WFDC8: variants seen among roughly 807,000 people sequenced by gnomAD.
The protein encoded by WFDC8 is WAP four-disulfide core domain protein 8.
Under a neutral mutation model 27.0 loss-of-function variants are expected in WFDC8, and 24 were observed. That is an observed-to-expected ratio of 0.89 (90% CI 0.64 to 1.25). WFDC8 has a LOEUF of 1.25. Among genes scored for constraint, WFDC8 ranks in the 50% most tolerant of loss-of-function variants. WFDC8 has a pLI of 0.00. For synonymous variants in WFDC8, 106 were observed against 99.7 expected (o/e 1.06, Z -0.38); for missense variants, 287 against 295.9 (o/e 0.97, Z 0.22).
chr20:45,558,468 T>A (rs1980347218), intron 3 of WFDC8, among the ~76,000 whole-genome samples: 1 of 152,212 alleles, frequency 6.6e-6, no homozygotes, highest in South Asian at 2.1e-4. Context: ...CCGCACATAT[T>A]AGATAGATGC....
intron 3 of WFDC8, among the ~76,000 whole-genome samples, chr20:45,557,791 A>T (rs1170073266): frequency 6.6e-6 from 1 of 152,184 alleles, no homozygotes; most frequent in Non-Finnish European, 1.5e-5. Context: ...CAAAACCGCA[A>T]TTACTTTTGC....
intron 5 of WFDC8, 95 bp from the exon 6 acceptor site, chr20:45,552,260 T>C: frequency 6.8e-7 from 1 of 1,480,854 alleles, no homozygotes; most frequent in Non-Finnish European, 9.3e-7. Flanking sequence ...CAAGGTTTTA[T>C]TCTGATTAAG....
At chr20:45,557,429 C>T (rs998182901) in intron 3 of WFDC8, among the ~76,000 whole-genome samples, 1 of 151,870 alleles carries the variant, frequency 6.6e-6, no homozygotes, top group Non-Finnish European at 1.5e-5. Flanking sequence ...GCTTTATTTT[C>T]TTTTGTTTTT....
At chr20:45,552,981 A>G (rs1980095269) in intron 5 of WFDC8, among the ~76,000 whole-genome samples, 155 bp downstream of exon 5, 1 of 152,226 alleles carries the variant, frequency 6.6e-6, no homozygotes, top group Non-Finnish European at 1.5e-5. Flanking sequence ...CAAGAGGTCA[A>G]TATAACTTGT....
chr20:45,561,715 T>G (rs976071675), intron 2 of WFDC8, among the ~76,000 whole-genome samples: 14 of 150,354 alleles, frequency 9.3e-5, no homozygotes, highest in African/African-American at 3.4e-4. Flanking sequence ...TAGTGACTTA[T>G]TAATTAAAAA....
At chr20:45,573,229 C>T (rs1980930627) in intron 1 of WFDC8, among the ~76,000 whole-genome samples, 1 of 152,194 alleles carries the variant, frequency 6.6e-6, no homozygotes, top group Admixed American at 6.5e-5. Flanking sequence ...ATGTTTTCTT[C>T]TCAGAGTTTT....
chr20:45,569,690 TCA>T (rs1384167525), intron 1 of WFDC8, among the ~76,000 whole-genome samples: 1 of 152,210 alleles, frequency 6.6e-6, no homozygotes, highest in Non-Finnish European at 1.5e-5. Flanking sequence ...GGGTCCAGTT[TCA>T]GTCTTCTGCA....
rs1168090948 is a variant in WFDC8 at position 45,573,810 on chromosome 20, C to A, written c.26+5412G>T. ...CATTGTGTGTTCTTGGCACCTTTAT[C>A]AAAAATCAGTTAACCATAAATGTAT... On this transcript the variant is annotated intron_variant, in intron 1 of 5. Coordinates refer to ENST00000289953, the MANE Select transcript of WFDC8 (RefSeq NM_130896.3). Among the ~76,000 whole-genome samples the A allele has an allele frequency of 2.6e-5, 4 of 152,136 alleles. No homozygotes were observed. In the East Asian group the frequency reaches 7.7e-4, roughly 29 times the overall value.
intron 1 of WFDC8, among the ~76,000 whole-genome samples, chr20:45,572,544 ATGT>A (rs1320244600): frequency 6.6e-6 from 1 of 152,052 alleles, no homozygotes; most frequent in Non-Finnish European, 1.5e-5. Flanking sequence ...TTGATTAATG[ATGT>A]TGAGCATTTT....
chr20:45,570,677 G>A (rs1222138560), intron 1 of WFDC8, among the ~76,000 whole-genome samples: 1 of 152,162 alleles, frequency 6.6e-6, no homozygotes, highest in Non-Finnish European at 1.5e-5. Context: ...TAAATACCAG[G>A]AAGTGGTATT....
rs770260281 is a variant in WFDC8, at chr20:45,553,196, G to A, written c.526C>T (p.Pro176Ser). Residue 176 changes from proline (P) to serine (S), a missense_variant, in exon 5 of 6, where the codon CCC becomes TCC. Coordinates refer to ENST00000289953, the MANE Select transcript of WFDC8 (RefSeq NM_130896.3). ...GATTCACAACATTTGTCTGTCTGGGGACAATCGATGTCACTGTGACATGAA... is the reference window on the plus strand; with the variant it reads ...GATTCACAACATTTGTCTGTCTGGGAACAATCGATGTCACTGTGACATGAA... ...PPSCHSDIDC[P>S]QTDKCCESRC... The A allele has an allele frequency of 8.1e-6, 13 of 1,613,860 alleles. No individual in the cohort carries two copies. The highest frequency in any genetic ancestry group is 3.3e-4 in the Middle Eastern group (2 of 6,048).
At chr20:45,552,645 T>A (rs540519387) in intron 5 of WFDC8, among the ~76,000 whole-genome samples, 2 of 151,918 alleles carry the variant, frequency 1.3e-5, no homozygotes, top group Admixed American at 1.3e-4. Context: ...ACCTGGACAA[T>A]CCCTGGGACT....
intron 1 of WFDC8, among the ~76,000 whole-genome samples, chr20:45,566,699 T>C (rs968022553): frequency 2.6e-5 from 4 of 152,082 alleles, no homozygotes; most frequent in Non-Finnish European, 5.9e-5. Context: ...ATAAAATAAA[T>C]AACATTGCAA....
chr20:45,572,396 C>CAAAAAA (rs768958375), intron 1 of WFDC8, among the ~76,000 whole-genome samples: 1 of 49,424 alleles, frequency 2.0e-5, no homozygotes, highest in Non-Finnish European at 4.4e-5. Flanking sequence ...GAATCCATCT[C>CAAAAAA]AAAAAAAAAA....
At chr20:45,556,755 T>G (rs1376454901) in intron 3 of WFDC8, among the ~76,000 whole-genome samples, 4 of 152,220 alleles carry the variant, frequency 2.6e-5, no homozygotes, top group African/African-American at 9.6e-5. Flanking sequence ...TATATTGTTT[T>G]GAAGGGTCAT....
At chr20:45,552,524 G>A (rs1461916806) in intron 5 of WFDC8, among the ~76,000 whole-genome samples, 2 of 152,166 alleles carry the variant, frequency 1.3e-5, no homozygotes, top group Non-Finnish European at 2.9e-5. Context: ...TATTTAGAGG[G>A]AAATGAGTTG....
At chr20:45,569,729 A>G (rs1029275910) in intron 1 of WFDC8, among the ~76,000 whole-genome samples, 1 of 152,146 alleles carries the variant, frequency 6.6e-6, no homozygotes, top group Admixed American at 6.6e-5. Context: ...TCCCATCACC[A>G]TTTATTGAAT....
chr20:45,562,337 T>A, intron 1 of WFDC8, 118 bp from the exon 2 acceptor site: 1 of 763,742 alleles, frequency 1.3e-6, no homozygotes, highest in Non-Finnish European at 2.2e-6. Flanking sequence ...GTAAGAAGAC[T>A]GACACCAGCA....
intron 1 of WFDC8, chr20:45,568,633 G>A: frequency 5.6e-6 from 3 of 534,718 alleles, no homozygotes; most frequent in South Asian, 4.2e-5. Context: ...ACAATATCTA[G>A]CCTTCCAGAA....
Sources: gnomAD v4.1 joint callset for allele counts (sites outside exome capture counted in the v4.1 genomes callset) on GRCh38, gnomAD v4.1.1 for gene constraint, MANE v1.5 for transcripts, NCBI Gene and HGNC (gene_info 2026-07-23, HGNC 2026-07-21) for gene names.